PSD3: variants seen among roughly 807,000 people sequenced by gnomAD.
The protein encoded by PSD3 is pleckstrin and Sec7 domain containing 3.
PSD3 carries 49 observed loss-of-function variants against 105.5 expected under a neutral mutation model. That is an observed-to-expected ratio of 0.46 (90% CI 0.37 to 0.59). The LOEUF (loss-of-function observed/expected upper bound fraction) is 0.59, where lower values mean the gene tolerates loss of function less well. Among genes scored for constraint, PSD3 ranks in the 20% least tolerant of loss-of-function variants. PSD3 has a pLI of 0.00. For missense variants in PSD3, 1,561 were observed against 1,263.8 expected (o/e 1.24, Z -3.57); for synonymous variants, 557 against 457.8 (o/e 1.22, Z -2.77).
intron 1 of PSD3, among the ~76,000 whole-genome samples, chr8:18,952,476 T>C (rs1010911501): frequency 2.0e-5 from 3 of 152,220 alleles, no homozygotes; most frequent in Non-Finnish European, 2.9e-5. Flanking sequence ...ATACACATGA[T>C]AGTAAAATCT....
chr8:18,722,995 A>C (rs1351402994), intron 9 of PSD3, among the ~76,000 whole-genome samples: 14 of 152,242 alleles, frequency 9.2e-5, no homozygotes, highest in Admixed American at 9.2e-4. Flanking sequence ...AAGATGAAGA[A>C]CATGCAACAT....
intron 6 of PSD3, among the ~76,000 whole-genome samples, chr8:18,804,001 T>A (rs1191641259): frequency 1.3e-5 from 2 of 152,232 alleles, no homozygotes; most frequent in East Asian, 3.9e-4. Flanking sequence ...TGGCATTTTT[T>A]ATCCAGATTT....
chr8:18,538,858 C>T (rs772183258), intron 15 of PSD3, among the ~76,000 whole-genome samples: 1 of 152,130 alleles, frequency 6.6e-6, no homozygotes, highest in Non-Finnish European at 1.5e-5. Flanking sequence ...AGGCACAGCA[C>T]AGAGGTGTGG....
At chr8:18,760,081 G>A (rs1284990643) in intron 9 of PSD3, among the ~76,000 whole-genome samples, 3 of 151,576 alleles carry the variant, frequency 2.0e-5, no homozygotes, top group African/African-American at 7.3e-5. Flanking sequence ...TCAAGACACT[G>A]CATTTTGAAC....
intron 1 of PSD3, among the ~76,000 whole-genome samples, chr8:18,970,852 G>A (rs1173482593): frequency 6.6e-6 from 1 of 151,792 alleles, no homozygotes; most frequent in African/African-American, 2.4e-5. Flanking sequence ...CTACTTGGGA[G>A]GCTGTAGTCC....
chr8:18,570,929 G>A (rs1013121386), intron 14 of PSD3, among the ~76,000 whole-genome samples: 6 of 151,240 alleles, frequency 4.0e-5, no homozygotes, highest in Non-Finnish European at 5.9e-5. Flanking sequence ...GCATGATCTC[G>A]GCTCACTGCA....
chr8:19,015,839 T>C (rs936150553), upstream of PSD3, among the ~76,000 whole-genome samples: 3 of 152,222 alleles, frequency 2.0e-5, no homozygotes, highest in African/African-American at 7.2e-5. Flanking sequence ...GCCACAGAAA[T>C]GTGTTTCCAA....
intron 14 of PSD3, among the ~76,000 whole-genome samples, chr8:18,563,319 G>A (rs543919458): frequency 2.0e-5 from 3 of 152,098 alleles, no homozygotes; most frequent in South Asian, 2.1e-4. Flanking sequence ...CAGGATCTTC[G>A]GTAAACAGTA....
chr8:18,872,585 AC>A lies in PSD3; in HGVS notation c.278del (p.Gly93ValfsTer42). ...ALPCHPQEQQ[G>X]VQPLTGCHSG... ...AGTGGCAGCCAGTAAGAGGCTGGAC[AC>A]CCTGCTGCTCTTGTGGGTGGCATGG... On this transcript the variant is annotated frameshift_variant, in exon 3 of 16. Coordinates refer to ENST00000327040, the MANE Select transcript of PSD3 (RefSeq NM_015310.4). LOFTEE classifies it high-confidence loss of function. 1 of 1,614,056 alleles carries A rather than the reference AC, an allele frequency of 6.2e-7. No individual in the cohort carries two copies. The highest frequency in any genetic ancestry group is 8.5e-7 in the Non-Finnish European group (1 of 1,180,012).
chr8:19,020,401 A>G (rs1247687128), intron 1 of PSD3, among the ~76,000 whole-genome samples: 2 of 152,132 alleles, frequency 1.3e-5, no homozygotes, highest in East Asian at 3.9e-4. Context: ...ATATGTAACT[A>G]TAAGTGCAAA....
intron 9 of PSD3, among the ~76,000 whole-genome samples, chr8:18,671,191 C>T (rs763357661): frequency 3.9e-5 from 6 of 152,110 alleles, no homozygotes; most frequent in South Asian, 2.1e-4. Context: ...CCTGCTTCTA[C>T]GTCCTAGGAA....
At chr8:19,025,869 T>C (rs1288450773) in intron 1 of PSD3, among the ~76,000 whole-genome samples, 2 of 152,196 alleles carry the variant, frequency 1.3e-5, no homozygotes, top group African/African-American at 4.8e-5. Context: ...TCTTTTACCA[T>C]GGTGTGTTAG....
At chr8:18,863,553 C>A (rs1816609914) in intron 4 of PSD3, among the ~76,000 whole-genome samples, 3 of 152,104 alleles carry the variant, frequency 2.0e-5, no homozygotes, top group Admixed American at 2.0e-4. Flanking sequence ...AGAGCAAGCA[C>A]CTGGGAGAAT....
At chr8:18,582,806 C>A (rs1425792118) in intron 12 of PSD3, among the ~76,000 whole-genome samples, 2 of 149,854 alleles carry the variant, frequency 1.3e-5, no homozygotes, top group Non-Finnish European at 1.5e-5. Flanking sequence ...CAACCTGCAG[C>A]CACACTGATC....
chr8:18,679,248 G>A (rs748323360), intron 9 of PSD3, among the ~76,000 whole-genome samples: 2 of 152,212 alleles, frequency 1.3e-5, no homozygotes, highest in African/African-American at 4.8e-5. Flanking sequence ...GTTTCTTTGT[G>A]TATAGCTTTA....
chr8:18,619,104 A>G (rs925290435), intron 11 of PSD3, among the ~76,000 whole-genome samples: 1 of 152,084 alleles, frequency 6.6e-6, no homozygotes, highest in African/African-American at 2.4e-5. Context: ...TCAAATTCTT[A>G]GGTCTATCTA....
intron 4 of PSD3, among the ~76,000 whole-genome samples, chr8:18,813,101 C>G (rs1013932493): frequency 6.6e-6 from 1 of 152,088 alleles, no homozygotes; most frequent in Admixed American, 6.5e-5. Flanking sequence ...AAAGCCTCCT[C>G]CGAAAGCTAT....
At chr8:19,047,161 G>A (rs1828349336) in intron 1 of PSD3, among the ~76,000 whole-genome samples, 1 of 152,096 alleles carries the variant, frequency 6.6e-6, no homozygotes, top group African/African-American at 2.4e-5. Flanking sequence ...TAAGAGCCTC[G>A]GCAGAGAAAT....
chr8:18,638,610 G>A (rs6989165), intron 10 of PSD3, among the ~76,000 whole-genome samples: 15 of 151,850 alleles, frequency 9.9e-5, no homozygotes, highest in East Asian at 1.9e-4. Flanking sequence ...ACTGAAAACC[G>A]TAAAACATTG....
Sources: gnomAD v4.1 joint callset for allele counts (sites outside exome capture counted in the v4.1 genomes callset) on GRCh38, gnomAD v4.1.1 for gene constraint, MANE v1.5 for transcripts, NCBI Gene and HGNC (gene_info 2026-07-23, HGNC 2026-07-21) for gene names.